The following PHF21A variants were observed in gnomAD, a reference collection of about 807,000 sequenced individuals.
PHF21A encodes the protein PHD finger protein 21A, also known as BHC80a.
A neutral mutation model predicts 82.5 loss-of-function variants in PHF21A; 11 were observed. That is an observed-to-expected ratio of 0.13 (90% CI 0.08 to 0.22). The LOEUF (loss-of-function observed/expected upper bound fraction) is 0.22, where lower values mean the gene tolerates loss of function less well. Ranked by LOEUF, PHF21A falls within the 10% of genes least tolerant of loss-of-function variation. PHF21A has a pLI of 1.00. For missense variants in PHF21A, 579 were observed against 837.8 expected, an observed-to-expected ratio of 0.69 and a Z score of 3.81; for synonymous variants, 297 against 302.8, an observed-to-expected ratio of 0.98 and a Z score of 0.20.
chr11:45,973,084 AAAAT>A (rs2093854106), intron 7 of PHF21A, among the ~76,000 whole-genome samples: 1 of 152,020 alleles, frequency 6.6e-6, no homozygotes, highest in South Asian at 2.1e-4. Context: ...GTCTCAAAAA[AAAAT>A]AAATAAATAA....
At chr11:45,964,092 GA>G (rs2093283011) in intron 10 of PHF21A, among the ~76,000 whole-genome samples, 1 of 151,692 alleles carries the variant, frequency 6.6e-6, no homozygotes, top group Non-Finnish European at 1.5e-5. Flanking sequence ...AGCTACTCAG[GA>G]GGCTGAGGCA....
At chr11:46,100,360 C>G (rs2097077611) in intron 1 of PHF21A, among the ~76,000 whole-genome samples, 1 of 152,192 alleles carries the variant, frequency 6.6e-6, no homozygotes, top group Admixed American at 6.5e-5. Flanking sequence ...TATTTTACTT[C>G]CACCTTATAA....
At position 46,076,812 on chromosome 11, in the gene PHF21A, T is replaced by C. The variant is rs376976172; in HGVS notation, c.95A>G (p.Asp32Gly). ...GAGTTCATGAAGCTGTTTCTTTAAGTCAGCATTCTGATTGGAAAGAAAAAA... is the reference window on the plus strand; with the variant it reads ...GAGTTCATGAAGCTGTTTCTTTAAGCCAGCATTCTGATTGGAAAGAAAAAA... ...AQMKQDPQNA[D>G]LKKQLHELQA... Residue 32 changes from aspartate to glycine, a missense_variant, in exon 6 of 19, where the codon GAC becomes GGC. This residue lies in a region of PHF21A where 12 missense variants were observed against 46.4 expected (regional missense o/e 0.26). Coordinates refer to ENST00000676320, the MANE Select transcript of PHF21A (RefSeq NM_001352027.3). 3.1e-6 allele frequency: 5 copies of C among 1,612,370 alleles called. No homozygotes were observed. Among genetic ancestry groups the C allele is most frequent in the Non-Finnish European group, 3.4e-6 (4 of 1,178,652 alleles).
chr11:46,109,583 TGAC>T (rs1280371601), intron 1 of PHF21A, among the ~76,000 whole-genome samples: 1 of 152,146 alleles, frequency 6.6e-6, no homozygotes, highest in African/African-American at 2.4e-5. Flanking sequence ...TTCATTCCCA[TGAC>T]AACACACCAG....
At chr11:46,034,465 A>C (rs762644355) in intron 6 of PHF21A, among the ~76,000 whole-genome samples, 1 of 152,100 alleles carries the variant, frequency 6.6e-6, no homozygotes, top group African/African-American at 2.4e-5. Flanking sequence ...TCTTCTTATC[A>C]TACTAAGGAA....
At chr11:45,996,665 T>C (rs2094919648) in intron 6 of PHF21A, among the ~76,000 whole-genome samples, 1 of 152,214 alleles carries the variant, frequency 6.6e-6, no homozygotes, top group Admixed American at 6.5e-5. Flanking sequence ...GCAGATAAAA[T>C]GAAAGGCAAT....
intron 6 of PHF21A, among the ~76,000 whole-genome samples, chr11:46,061,868 G>C (rs1157894329): frequency 6.6e-6 from 1 of 152,160 alleles, no homozygotes; most frequent in African/African-American, 2.4e-5. Flanking sequence ...CCTCAAAAAA[G>C]ATGTATGGGA....
chr11:45,973,720 A>G (rs1591459131), intron 7 of PHF21A, among the ~76,000 whole-genome samples: 1 of 152,248 alleles, frequency 6.6e-6, no homozygotes, highest in Non-Finnish European at 1.5e-5. Context: ...ACCACAGTGT[A>G]TTAGCCCTTG....
At chr11:45,975,088 C>T (rs920892542) in intron 7 of PHF21A, among the ~76,000 whole-genome samples, 1 of 152,048 alleles carries the variant, frequency 6.6e-6, no homozygotes, top group South Asian at 2.1e-4. Context: ...CTAAGGTGGG[C>T]GGATCACTTA....
At chr11:45,935,118 T>TA (rs2088561732) in intron 18 of PHF21A, 2 of 1,289,362 alleles carry the variant, frequency 1.6e-6, no homozygotes, top group Non-Finnish European at 2.0e-6. Flanking sequence ...GGGCAGTACT[T>TA]ACTTCCAATA....
chr11:45,979,103 G>T (rs2094171505), intron 7 of PHF21A, among the ~76,000 whole-genome samples: 1 of 151,384 alleles, frequency 6.6e-6, no homozygotes, highest in South Asian at 2.1e-4. Context: ...TGCAGCCTCT[G>T]CCTCCTGGGT....
intron 6 of PHF21A, among the ~76,000 whole-genome samples, chr11:46,074,827 G>A (rs2096707765): frequency 6.6e-6 from 1 of 152,174 alleles, no homozygotes; most frequent in Non-Finnish European, 1.5e-5. Flanking sequence ...AAACTAAAGA[G>A]TAATATCACA....
intron 6 of PHF21A, among the ~76,000 whole-genome samples, chr11:45,996,862 A>G (rs2094926434): frequency 6.6e-6 from 1 of 152,228 alleles, no homozygotes; most frequent in Non-Finnish European, 1.5e-5. Context: ...AACCTAAAAA[A>G]GGTCAATAGT....
chr11:46,065,781 C>T (rs1565816256), intron 6 of PHF21A, among the ~76,000 whole-genome samples: 2 of 152,078 alleles, frequency 1.3e-5, no homozygotes, highest in African/African-American at 4.8e-5. Context: ...GGGTATAAAG[C>T]GGGTGTATAA....
chr11:45,958,449 T>TGTATACACACACAC (rs2092849564), intron 10 of PHF21A, among the ~76,000 whole-genome samples: 1 of 15,058 alleles, frequency 6.6e-5, no homozygotes, highest in African/African-American at 1.9e-4. Flanking sequence ...TATATATATA[T>TGTATACACACACAC]ACACACACAC....
chr11:45,934,183 C>T lies in PHF21A; in HGVS notation c.1831G>A (p.Glu611Lys). 6.2e-7 allele frequency: 1 copy of T among 1,614,028 alleles called. No homozygotes were observed. The highest frequency in any genetic ancestry group is 8.5e-7 in the Non-Finnish European group (1 of 1,180,018). The change falls in exon 19 of 19, where the codon GAG becomes AAG. Residue 611 changes from glutamate to lysine, a missense_variant. Transcript: ENST00000676320. ...ACCTTCTCCAGGGAGCTGTGCATCTCCTTCTGCCGGGCCAGGATGGTGTTC... is the reference window on the plus strand; with the variant it reads ...ACCTTCTCCAGGGAGCTGTGCATCTTCTTCTGCCGGGCCAGGATGGTGTTC... ...MKNTILARQK[E>K]MHSSLEKVKQ...
chr11:46,062,092 G>T lies in PHF21A; in HGVS notation c.153+14662C>A, dbSNP rs1421632374. 3.1e-4 allele frequency among the ~76,000 whole-genome samples: 45 copies of T among 144,288 alleles called. No individual in the cohort carries two copies. In the South Asian group the frequency reaches 6.1e-3, roughly 20 times the overall value. The allele number at this position is 144,288 out of a possible 152,430, so 94.7% of individuals were successfully genotyped here. A position where few individuals can be genotyped will look rare whatever the true frequency, so the allele number is the denominator to read the frequency against. On this transcript the variant is annotated intron_variant, in intron 6 of 18. Coordinates refer to ENST00000676320, the MANE Select transcript of PHF21A (RefSeq NM_001352027.3). ...CCTGTTTGCAACTGTTTTTTGTTTT[G>T]TTTTTTTTTTTCCTCTAAGGAAGCT...
At chr11:46,083,807 T>G (rs1308333511) in intron 4 of PHF21A, among the ~76,000 whole-genome samples, 2 of 152,224 alleles carry the variant, frequency 1.3e-5, no homozygotes, top group African/African-American at 2.4e-5. Flanking sequence ...CTTTAGTACA[T>G]ATGGTAGTTG....
At chr11:45,956,175 T>C (rs1304287789) in intron 10 of PHF21A, among the ~76,000 whole-genome samples, 1 of 151,964 alleles carries the variant, frequency 6.6e-6, no homozygotes, top group Non-Finnish European at 1.5e-5. Context: ...TTAAAGGGAG[T>C]CCCTTCAGGC....
Sources: allele counts gnomAD v4.1 joint callset (sites outside exome capture counted in the v4.1 genomes callset), GRCh38; gene constraint gnomAD v4.1.1; regional missense constraint gnomAD v4.1.1; transcripts MANE v1.5; gene names NCBI Gene and HGNC (gene_info 2026-07-23, HGNC 2026-07-21).